Variants in CIMAP1B observed in about 807,000 individuals in gnomAD.
The protein encoded by CIMAP1B is orf2 5' to PD-ECGF/TP.
At chr22:50,530,457 T>C in the CIMAP1B span, 15 of 1,577,130 alleles carry the variant, frequency 9.5e-6, no homozygotes, top group South Asian at 4.6e-5. Flanking sequence ...CAAACACGTG[T>C]GGGGCCGCTC....
the CIMAP1B span, chr22:50,530,660 AG>A: frequency 6.3e-6 from 10 of 1,596,852 alleles, no homozygotes; most frequent in Non-Finnish European, 8.5e-6. Context: ...CTCCGACCTC[AG>A]GCCCTCCCCA....
chr22:50,530,982 G>A, the CIMAP1B span: 1 of 1,611,498 alleles, frequency 6.2e-7, no homozygotes, highest in Non-Finnish European at 8.5e-7. Context: ...TGCGGCCGTA[G>A]ATGGAGCAAG....
At chr22:50,530,525 C>T in the CIMAP1B span, 3 of 1,600,416 alleles carry the variant, frequency 1.9e-6, no homozygotes, top group South Asian at 2.2e-5. Context: ...AGTCCGAGTG[C>T]CGGATCCCGA....
chr22:50,531,242 GC>G, the CIMAP1B span: 4 of 1,612,404 alleles, frequency 2.5e-6, no homozygotes, highest in East Asian at 8.9e-5. Context: ...GCAATGGTGT[GC>G]CGAGGCGCAC....
the CIMAP1B span, chr22:50,531,608 C>A: frequency 7.1e-7 from 1 of 1,404,284 alleles, no homozygotes. Context: ...GCGGCGTGGG[C>A]GGCCGTAGAT....
the CIMAP1B span, chr22:50,531,803 G>C: frequency 1.5e-6 from 2 of 1,349,878 alleles, no homozygotes; most frequent in South Asian, 3.9e-5. Flanking sequence ...CGTCTGGCCG[G>C]GCCCAGCCCC....
the CIMAP1B span, chr22:50,531,476 C>T: frequency 4.4e-6 from 5 of 1,149,148 alleles, no homozygotes; most frequent in Non-Finnish European, 4.7e-6. Context: ...TTAGGGTATC[C>T]GAGGGGGACT....
the CIMAP1B span, chr22:50,532,015 C>A: frequency 7.4e-7 from 1 of 1,359,292 alleles, no homozygotes; most frequent in Non-Finnish European, 9.5e-7. Flanking sequence ...CTCCGTAGTG[C>A]GCCGCGATGG....
chr22:50,530,626 C>T, the CIMAP1B span: 7 of 1,566,804 alleles, frequency 4.5e-6, no homozygotes, highest in African/African-American at 2.7e-5. Context: ...GACCCCTGGA[C>T]CCCCGGGGAC....
At chr22:50,531,859 T>G in the CIMAP1B span, 1 of 1,319,792 alleles carries the variant, frequency 7.6e-7, no homozygotes, top group Non-Finnish European at 9.7e-7. Context: ...AGACCCCCTC[T>G]CCCCTCTAGC....
At chr22:50,530,750 T>G in the CIMAP1B span, 1 of 1,607,902 alleles carries the variant, frequency 6.2e-7, no homozygotes, top group Non-Finnish European at 8.5e-7. Flanking sequence ...GGCTTCCGAG[T>G]GTTGTCTTGG....
chr22:50,530,938 T>G, the CIMAP1B span: 710 of 1,610,594 alleles, frequency 4.4e-4, no homozygotes, highest in Non-Finnish European at 5.1e-4. Flanking sequence ...CTCCCCCACC[T>G]TGCTGAGGTC....
At chr22:50,530,431 A>G in the CIMAP1B span, 5 of 1,509,404 alleles carry the variant, frequency 3.3e-6, no homozygotes, top group Admixed American at 2.0e-5. Context: ...CACGATGCGG[A>G]CTCGCAGACT....
At chr22:50,531,218 C>G in the CIMAP1B span, 57,696 of 1,612,842 alleles carry the variant, frequency 0.036, 1,221 homozygotes, top group Middle Eastern at 0.11. Context: ...GCCTGGACAC[C>G]CCAGTTTCGG....
chr22:50,531,105 C>T, the CIMAP1B span: 40 of 1,590,658 alleles, frequency 2.5e-5, no homozygotes, highest in Non-Finnish European at 3.4e-5. Flanking sequence ...CGCGGACAGG[C>T]GCAGGGTGGT....
chr22:50,531,283 G>A, the CIMAP1B span: 8 of 1,608,714 alleles, frequency 5.0e-6, no homozygotes, highest in African/African-American at 1.3e-5. Flanking sequence ...CGCTCGCTCC[G>A]GGAAGTACCT....
chr22:50,530,715 A>C, the CIMAP1B span: 1 of 1,611,774 alleles, frequency 6.2e-7, no homozygotes, highest in Non-Finnish European at 8.5e-7. Context: ...AGGCCACCTG[A>C]TCCACGTTGT....
At chr22:50,531,844 G>T in the CIMAP1B span, 2 of 1,329,412 alleles carry the variant, frequency 1.5e-6, no homozygotes, top group Non-Finnish European at 1.9e-6. Flanking sequence ...ACCCTCCCCC[G>T]GCACAGACCC....
the CIMAP1B span, chr22:50,531,341 C>G: frequency 4.8e-6 from 7 of 1,458,744 alleles, no homozygotes; most frequent in Non-Finnish European, 6.6e-6. Flanking sequence ...TGCGTGGGAG[C>G]CTGGTGGGTA....
Sources: allele counts gnomAD v4.1 joint callset, GRCh38; gene constraint gnomAD v4.1.1; transcripts MANE v1.5; gene names NCBI Gene and HGNC (gene_info 2026-07-23, HGNC 2026-07-21).